The following APBB1IP variants were observed in gnomAD, a reference collection of about 807,000 sequenced individuals.
APBB1IP encodes amyloid beta precursor protein binding family B member 1 interacting protein.
Under a neutral mutation model 64.9 loss-of-function variants are expected in APBB1IP, and 27 were observed. That is an observed-to-expected ratio of 0.42 (90% CI 0.31 to 0.57). APBB1IP has a LOEUF of 0.57. Among genes scored for constraint, APBB1IP ranks in the 20% least tolerant of loss-of-function variants. APBB1IP has a pLI of 0.20. For missense variants in APBB1IP, 812 were observed against 845.5 expected, an observed-to-expected ratio of 0.96 and a Z score of 0.49; for synonymous variants, 392 against 331.0, an observed-to-expected ratio of 1.18 and a Z score of -2.00.
intron 11 of APBB1IP, among the ~76,000 whole-genome samples, chr10:26,544,777 G>A (rs890357466): frequency 5.9e-5 from 9 of 152,194 alleles, no homozygotes; most frequent in African/African-American, 1.9e-4. Flanking sequence ...GACTTGAACG[G>A]TCTGACCTAG....
chr10:26,470,158 A>G (rs1835699283), intron 2 of APBB1IP, among the ~76,000 whole-genome samples: 2 of 152,226 alleles, frequency 1.3e-5, no homozygotes, highest in Admixed American at 6.5e-5. Context: ...TAGAAACTGT[A>G]TTTCAAGGAC....
At chr10:26,481,213 G>A (rs1256510586) in intron 2 of APBB1IP, among the ~76,000 whole-genome samples, 1 of 152,126 alleles carries the variant, frequency 6.6e-6, no homozygotes, top group East Asian at 1.9e-4. Flanking sequence ...GGGTTCATAT[G>A]TGCTGACCTC....
At chr10:26,512,220 A>G (rs1246275780) in intron 7 of APBB1IP, among the ~76,000 whole-genome samples, 2 of 152,330 alleles carry the variant, frequency 1.3e-5, no homozygotes, top group South Asian at 4.1e-4. Flanking sequence ...GTAGTGAAGA[A>G]CTTGGATTCT....
At chr10:26,524,770 T>C (rs1207877525) in intron 8 of APBB1IP, among the ~76,000 whole-genome samples, 1 of 152,020 alleles carries the variant, frequency 6.6e-6, no homozygotes, top group Admixed American at 6.6e-5. Flanking sequence ...GTCTGCTGTC[T>C]CTTATGTGAT....
At chr10:26,560,273 C>T in intron 12 of APBB1IP, 70 bp downstream of exon 12, 2 of 1,409,352 alleles carry the variant, frequency 1.4e-6, no homozygotes, top group South Asian at 2.3e-5. Flanking sequence ...GCACAGCCTT[C>T]CTGGTACTGT....
At chr10:26,487,799 T>C (rs1000790223) in intron 2 of APBB1IP, among the ~76,000 whole-genome samples, 6 of 152,208 alleles carry the variant, frequency 3.9e-5, no homozygotes, top group African/African-American at 1.4e-4. Flanking sequence ...TTCCAGACTT[T>C]ATTTTAGTGC....
In APBB1IP at chr10:26,503,195, A is replaced by G; in HGVS notation, c.454-2A>G. On this transcript the variant is annotated splice_acceptor_variant, in intron 5 of 14. Transcript: ENST00000376236. LOFTEE classifies it high-confidence loss of function. The stretch of plus-strand genomic sequence containing the variant: ...ATTGAAGAATATCTTGCCCTTTTCC[A>G]GGAAGAGGAAGAAGCCCAAGCCAAG... 5 of 1,613,994 alleles carry G rather than the reference A, an allele frequency of 3.1e-6. No homozygotes were observed. Among genetic ancestry groups the G allele is most frequent in the Non-Finnish European group, 4.2e-6 (5 of 1,179,898 alleles).
In APBB1IP at chr10:26,532,108, G is replaced by A. The variant is rs1028802173; in HGVS notation, c.814-1331G>A. On this transcript the variant is annotated intron_variant, in intron 8 of 14. Transcript: ENST00000376236. ...TCAAGGTGGTCTGAGGATTATACTT[G>A]GAGAAACACTCCTATGGTGTAAACA... is the stretch of plus-strand genomic sequence containing the variant. Among the ~76,000 whole-genome samples, 9 of 152,250 alleles carry A rather than the reference G, an allele frequency of 5.9e-5. No individual in the cohort carries two copies. In the East Asian group the frequency reaches 1.7e-3, roughly 29 times the overall value.
chr10:26,560,699 C>T (rs946568606), intron 12 of APBB1IP, 31 bp from the exon 13 acceptor site: 1 of 1,504,618 alleles, frequency 6.6e-7, no homozygotes, highest in Non-Finnish European at 9.0e-7. Context: ...ACATGGATTC[C>T]TTTCCTTCTT....
chr10:26,443,948 G>T (rs1418800042), intron 2 of APBB1IP, among the ~76,000 whole-genome samples: 1 of 152,216 alleles, frequency 6.6e-6, no homozygotes, highest in Non-Finnish European at 1.5e-5. Flanking sequence ...CCCTGCATTT[G>T]TGGAGTTTAT....
At chr10:26,527,701 T>C (rs1027001733) in intron 8 of APBB1IP, among the ~76,000 whole-genome samples, 2 of 143,252 alleles carry the variant, frequency 1.4e-5, no homozygotes, top group Admixed American at 6.9e-5. Flanking sequence ...TTTTTTTTTT[T>C]TTTTTTTTGA....
chr10:26,445,124 AAAGAAAAG>A (rs1169886691), intron 2 of APBB1IP, among the ~76,000 whole-genome samples: 4 of 65,936 alleles, frequency 6.1e-5, no homozygotes, highest in East Asian at 4.2e-4. Flanking sequence ...AGAAAGAAAG[AAAGAAAAG>A]AAAGAAAGAA....
chr10:26,468,185 A>C (rs1436680286), intron 2 of APBB1IP, among the ~76,000 whole-genome samples: 1 of 152,250 alleles, frequency 6.6e-6, no homozygotes, highest in South Asian at 2.1e-4. Context: ...ACTTCTCCCC[A>C]TCCTCTCAGG....
At chr10:26,524,813 C>T (rs888410083) in intron 8 of APBB1IP, among the ~76,000 whole-genome samples, 1 of 152,102 alleles carries the variant, frequency 6.6e-6, no homozygotes, top group African/African-American at 2.4e-5. Flanking sequence ...AAGTAAGCTA[C>T]ACTCTACAGG....
chr10:26,517,619 T>C (rs1166130223), intron 8 of APBB1IP, among the ~76,000 whole-genome samples: 1 of 152,206 alleles, frequency 6.6e-6, no homozygotes, highest in Non-Finnish European at 1.5e-5. Flanking sequence ...TTTGTTTTTG[T>C]TTTTTTGAGA....
At chr10:26,511,692 A>G in intron 6 of APBB1IP, 55 bp from the exon 7 acceptor site, 1 of 1,599,314 alleles carries the variant, frequency 6.3e-7, no homozygotes, top group Non-Finnish European at 8.6e-7. Context: ...CCCTCATCTT[A>G]GTAGCCTTCT....
At chr10:26,558,612 CT>C (rs1201059365) in intron 11 of APBB1IP, among the ~76,000 whole-genome samples, 1 of 109,480 alleles carries the variant, frequency 9.1e-6, no homozygotes. Context: ...AAGAGTGTTT[CT>C]TTAAAAAAAA....
intron 8 of APBB1IP, among the ~76,000 whole-genome samples, chr10:26,514,066 C>T (rs1395105474): frequency 6.6e-6 from 1 of 152,114 alleles, no homozygotes; most frequent in Non-Finnish European, 1.5e-5. Flanking sequence ...TGTATACTAA[C>T]CACACCATTC....
intron 14 of APBB1IP, 51 bp from the exon 15 acceptor site, chr10:26,566,910 A>T: frequency 6.7e-7 from 1 of 1,501,670 alleles, no homozygotes; most frequent in Non-Finnish European, 8.8e-7. Context: ...CAATAAATTT[A>T]AAATTTCAAA....
Sources: allele counts gnomAD v4.1 joint callset (sites outside exome capture counted in the v4.1 genomes callset), GRCh38; gene constraint gnomAD v4.1.1; transcripts MANE v1.5; gene names NCBI Gene and HGNC (gene_info 2026-07-23, HGNC 2026-07-21).